The following OTUD7B variants were observed in gnomAD, a reference collection of about 807,000 sequenced individuals.
OTUD7B encodes OTU domain-containing protein 7B.
A neutral mutation model predicts 82.2 loss-of-function variants in OTUD7B; 34 were observed. The ratio of observed to expected loss-of-function variants is 0.41; its 90% confidence interval spans 0.31 to 0.55. The LOEUF (loss-of-function observed/expected upper bound fraction) is 0.55. Ranked by LOEUF, OTUD7B falls within the 20% of genes least tolerant of loss-of-function variation. The probability of loss-of-function intolerance (pLI) is 0.20; values close to 1 mark genes in which losing one functional copy is unlikely to be tolerated. For synonymous variants in OTUD7B, 398 were observed against 402.7 expected (o/e 0.99, Z 0.14); for missense variants, 944 against 1,062.1 (o/e 0.89, Z 1.55).
At chr1:150,038,098 G>C in the OTUD7B span, among the ~76,000 whole-genome samples, 1 of 150,752 alleles carries the variant, frequency 6.6e-6, no homozygotes, top group Non-Finnish European at 1.5e-5. Flanking sequence ...TGCTCAAGCA[G>C]TCCACCCGCC....
At chr1:150,002,406 A>C (rs61808060) in intron 1 of OTUD7B, among the ~76,000 whole-genome samples, 197 of 152,266 alleles carry the variant, frequency 1.3e-3, no homozygotes, top group Non-Finnish European at 2.0e-3. Context: ...AAAAATCCTA[A>C]CACCTCATTC....
chr1:150,009,059 G>T (rs1216107011), intron 1 of OTUD7B, among the ~76,000 whole-genome samples: 1 of 152,138 alleles, frequency 6.6e-6, no homozygotes, highest in African/African-American at 2.4e-5. Context: ...GTTACTGAAC[G>T]TTAAAAGAAC....
intron 6 of OTUD7B, chr1:149,962,013 G>C (rs1649194245): frequency 6.6e-6 from 1 of 152,064 alleles, no homozygotes; most frequent in Non-Finnish European, 1.5e-5. Context: ...AAACATGAGG[G>C]GTACTGGGAA....
At chr1:150,042,124 TCCC>T in the OTUD7B span, among the ~76,000 whole-genome samples, 1 of 19,706 alleles carries the variant, frequency 5.1e-5, no homozygotes, top group Non-Finnish European at 1.0e-4. Flanking sequence ...CCTCCCTCCC[TCCC>T]TCCCTCCCTC....
chr1:150,043,757 G>A, the OTUD7B span, among the ~76,000 whole-genome samples: 1 of 152,124 alleles, frequency 6.6e-6, no homozygotes, highest in Admixed American at 6.5e-5. Context: ...GATACTAGAA[G>A]CCCATTTCCT....
intron 1 of OTUD7B, among the ~76,000 whole-genome samples, chr1:150,002,814 C>T (rs1264967004): frequency 2.6e-5 from 4 of 152,180 alleles, no homozygotes; most frequent in African/African-American, 9.7e-5. Flanking sequence ...TAAATATGAT[C>T]ACTCTCAATA....
At chr1:150,005,477 A>G (rs1571739851) in intron 1 of OTUD7B, among the ~76,000 whole-genome samples, 1 of 152,140 alleles carries the variant, frequency 6.6e-6, no homozygotes, top group Non-Finnish European at 1.5e-5. Context: ...AAATACTACA[A>G]TCTCCTGACT....
intron 1 of OTUD7B, among the ~76,000 whole-genome samples, chr1:149,998,224 CTGGACTAT>C (rs1369530795): frequency 1.3e-5 from 2 of 152,152 alleles, no homozygotes; most frequent in Non-Finnish European, 2.9e-5. Context: ...AGTCTTTTTC[CTGGACTAT>C]TATAACAGTC....
intron 1 of OTUD7B, among the ~76,000 whole-genome samples, chr1:149,989,976 G>A (rs1403009514): frequency 6.6e-6 from 1 of 152,050 alleles, no homozygotes; most frequent in Non-Finnish European, 1.5e-5. Flanking sequence ...TTACTGTCTT[G>A]TGATACTAGT....
At chr1:150,027,286 C>T in the OTUD7B span, among the ~76,000 whole-genome samples, 1 of 152,048 alleles carries the variant, frequency 6.6e-6, no homozygotes, top group South Asian at 2.1e-4. Context: ...TAATACCATG[C>T]AGAAATATAA....
chr1:150,010,804 G>A (rs1158224453), upstream of OTUD7B: 3 of 152,054 alleles, frequency 2.0e-5, no homozygotes, highest in Admixed American at 2.0e-4. Context: ...GGCCGCCCCC[G>A]GGCCTCCTCC....
At chr1:149,998,627 G>A (rs1018802617) in intron 1 of OTUD7B, among the ~76,000 whole-genome samples, 6 of 152,138 alleles carry the variant, frequency 3.9e-5, no homozygotes, top group Non-Finnish European at 7.4e-5. Context: ...CTATGTAACT[G>A]TACTCCTCAC....
At chr1:150,014,395 T>TG (rs1571757857), upstream of OTUD7B, among the ~76,000 whole-genome samples, 1 of 11,472 alleles carries the variant, frequency 8.7e-5, no homozygotes. Context: ...AGAAAGTGTC[T>TG]CAAAAAAAAA....
chr1:149,961,133 A>G (rs1205394398), intron 6 of OTUD7B: 1 of 151,928 alleles, frequency 6.6e-6, no homozygotes, highest in Non-Finnish European at 1.5e-5. Flanking sequence ...AATCAGCTGT[A>G]GTTCCTGAAA....
At chr1:150,037,595 T>C in the OTUD7B span, among the ~76,000 whole-genome samples, 12 of 152,152 alleles carry the variant, frequency 7.9e-5, no homozygotes, top group Non-Finnish European at 1.0e-4. Flanking sequence ...TCTACTTTTC[T>C]TTTTTTATTT....
chr1:150,035,100 C>T, the OTUD7B span, among the ~76,000 whole-genome samples: 10 of 150,230 alleles, frequency 6.7e-5, no homozygotes, highest in East Asian at 7.8e-4. Context: ...GCTGAGATCG[C>T]GCCATTGCAC....
the OTUD7B span, among the ~76,000 whole-genome samples, chr1:150,046,469 A>G: frequency 1.4e-5 from 2 of 138,288 alleles, no homozygotes; most frequent in African/African-American, 2.8e-5. Context: ...TTTTTTTGAG[A>G]CAGAGTCTTG....
At position 149,940,821 on chromosome 1, in the gene OTUD7B, A is replaced by G; in HGVS notation, c.*3036T>C. The G allele has an allele frequency of 6.6e-6, 1 of 151,700 alleles. No homozygotes were observed. 9.4% of individuals were successfully genotyped at this position (151,700 alleles called of 1,614,324 possible). Reference sequence around the variant, plus strand: ...CCCTCATCTTCCCAAAATACCACAAACCAAGCTGAATCTATATTAATTTCC... The same window carrying G: ...CCCTCATCTTCCCAAAATACCACAAGCCAAGCTGAATCTATATTAATTTCC... On this transcript the variant is annotated 3_prime_UTR_variant, in exon 12 of 12. Transcript: ENST00000581312.
intron 1 of OTUD7B, among the ~76,000 whole-genome samples, chr1:149,986,992 T>C (rs1651194759): frequency 6.6e-6 from 1 of 152,212 alleles, no homozygotes; most frequent in Non-Finnish European, 1.5e-5. Flanking sequence ...TAACACTAAA[T>C]GTTACAATCC....
Sources: gnomAD v4.1 joint callset for allele counts (sites outside exome capture counted in the v4.1 genomes callset) on GRCh38, gnomAD v4.1.1 for gene constraint, MANE v1.5 for transcripts, NCBI Gene and HGNC (gene_info 2026-07-23, HGNC 2026-07-21) for gene names.